Variants in FSTL5 observed in about 807,000 individuals in gnomAD.
FSTL5 encodes follistatin like 5.
In FSTL5, 62 loss-of-function variants were observed where a neutral mutation model predicts 89.1. The observed-to-expected ratio is 0.70, with a 90% confidence interval of 0.57 to 0.86. FSTL5 has a LOEUF of 0.86. Among genes scored for constraint, FSTL5 ranks in the 40% least tolerant of loss-of-function variants. The pLI is 0.00. For missense variants in FSTL5, 1,057 were observed against 1,001.6 expected, an observed-to-expected ratio of 1.06 and a Z score of -0.75; for synonymous variants, 383 against 346.2, an observed-to-expected ratio of 1.11 and a Z score of -1.18.
chr4:162,044,935 T>G (rs968533724), intron 2 of FSTL5, among the ~76,000 whole-genome samples: 5 of 152,198 alleles, frequency 3.3e-5, no homozygotes, highest in Non-Finnish European at 7.3e-5. Flanking sequence ...GGGGAGGTTG[T>G]GCTTGTTTTG....
At chr4:162,073,768 A>G (rs1729722954) in intron 2 of FSTL5, among the ~76,000 whole-genome samples, 1 of 151,792 alleles carries the variant, frequency 6.6e-6, no homozygotes. Context: ...GAAATTGAAT[A>G]TTCTTACAGT....
At chr4:161,976,511 T>G (rs1735650164) in intron 3 of FSTL5, among the ~76,000 whole-genome samples, 1 of 152,132 alleles carries the variant, frequency 6.6e-6, no homozygotes, top group African/African-American at 2.4e-5. Flanking sequence ...AGTCGGAGTC[T>G]TGCTCTGTCG....
intron 4 of FSTL5, among the ~76,000 whole-genome samples, chr4:161,808,636 ACC>A (rs1484873682): frequency 1.4e-5 from 2 of 146,022 alleles, no homozygotes; most frequent in African/African-American, 5.0e-5. Flanking sequence ...CAAAAAAAAA[ACC>A]CAGATAAAAT....
At chr4:161,458,785 C>T (rs1015503555) in intron 14 of FSTL5, among the ~76,000 whole-genome samples, 2 of 152,164 alleles carry the variant, frequency 1.3e-5, no homozygotes, top group African/African-American at 4.8e-5. Context: ...ATAAGAATAA[C>T]ACCACTATTC....
rs141440588 is a variant in FSTL5 at position 161,451,300 on chromosome 4, G to A, written c.1841+3704C>T. ...TTACTAACTTCAAGTCTGAGAATGT[G>A]TCTTAAATGGTATTCTTAAATTCTT... On this transcript the variant is annotated intron_variant, in intron 15 of 15. Coordinates refer to ENST00000306100, the MANE Select transcript of FSTL5 (RefSeq NM_020116.5). Among the ~76,000 whole-genome samples the A allele has an allele frequency of 7.9e-5, 12 of 152,140 alleles. No individual in the cohort carries two copies. The East Asian group carries it at 2.3e-3, about 29-fold the overall frequency.
chr4:161,712,735 T>C (rs1473845734), intron 6 of FSTL5, among the ~76,000 whole-genome samples: 1 of 151,936 alleles, frequency 6.6e-6, no homozygotes, highest in East Asian at 1.9e-4. Flanking sequence ...ACTCCATGAG[T>C]TCACTGGAGA....
At chr4:161,779,765 ATATATATATG>A (rs1305317591) in intron 4 of FSTL5, among the ~76,000 whole-genome samples, 2,926 of 20,624 alleles carry the variant, frequency 0.14, 261 homozygotes, top group Middle Eastern at 0.17. Flanking sequence ...AAAGTTATAT[ATATATATATG>A]TATATATATA....
intron 6 of FSTL5, among the ~76,000 whole-genome samples, chr4:161,667,027 C>G (rs765768340): frequency 1.3e-5 from 2 of 151,892 alleles, no homozygotes; most frequent in Non-Finnish European, 2.9e-5. Flanking sequence ...TTTTTGTATA[C>G]TAAAGACAGT....
rs146870273 is a variant in FSTL5 at position 161,538,122 on chromosome 4, G to T, written c.1312+44C>A. ...TTTAAAAAAAGCTGTAAAAAAGTAC[G>T]TTGAATATGGTGTGTGTGTGCTGTT... On this transcript the variant is annotated intron_variant, in intron 10 of 15. Coordinates refer to ENST00000306100, the MANE Select transcript of FSTL5 (RefSeq NM_020116.5). 31 of 1,589,422 alleles carry T rather than the reference G, an allele frequency of 2.0e-5. 1 individual carries two copies. The African/African-American group carries it at 4.0e-4, about 21-fold the overall frequency.
intron 4 of FSTL5, among the ~76,000 whole-genome samples, chr4:161,788,291 T>G (rs1741983372): frequency 6.6e-6 from 1 of 152,194 alleles, no homozygotes; most frequent in Non-Finnish European, 1.5e-5. Flanking sequence ...CTTGCTATTT[T>G]GAAGTATACT....
intron 6 of FSTL5, among the ~76,000 whole-genome samples, chr4:161,687,574 A>G (rs1000958519): frequency 6.6e-6 from 1 of 152,206 alleles, no homozygotes; most frequent in Middle Eastern, 3.4e-3. Flanking sequence ...TTCACTTTAA[A>G]TTTTTCATTT....
chr4:162,125,570 G>A lies in FSTL5; in HGVS notation c.-16-14158C>T, dbSNP rs527624981. Among the ~76,000 whole-genome samples the A allele has an allele frequency of 2.6e-5, 4 of 152,124 alleles. No homozygotes were observed. The South Asian group carries it at 8.3e-4, about 32-fold the overall frequency. ...TATCTATTCCTATGCAGATACCACA[G>A]CTTTTAACTACTAGAGTTTGATAAT... is the stretch of plus-strand genomic sequence containing the variant. On this transcript the variant is annotated intron_variant, in intron 1 of 15. Coordinates refer to ENST00000306100, the MANE Select transcript of FSTL5 (RefSeq NM_020116.5).
chr4:161,604,809 G>C lies in FSTL5; in HGVS notation c.895-17234C>G, dbSNP rs115583075. On this transcript the variant is annotated intron_variant, in intron 7 of 15. Transcript: ENST00000306100. ...AGGGACTGCCTAGGTTTCATGTTCT[G>C]CTAGAGCCTGAGCATTGAGGAAGTT... Among the ~76,000 whole-genome samples, 1,019 of 152,278 alleles carry C rather than the reference G, an allele frequency of 6.7e-3. 7 individuals carry two copies. The highest frequency in any genetic ancestry group is 0.012 in the Non-Finnish European group (786 of 68,018).
At chr4:161,519,691 T>C (rs568592765) in intron 10 of FSTL5, among the ~76,000 whole-genome samples, 63 of 152,328 alleles carry the variant, frequency 4.1e-4, no homozygotes, top group Admixed American at 3.8e-3. Context: ...TGACAATTCT[T>C]CACACAAATG....
At chr4:161,409,083 G>C (rs1731497559) in intron 15 of FSTL5, among the ~76,000 whole-genome samples, 1 of 152,054 alleles carries the variant, frequency 6.6e-6, no homozygotes, top group South Asian at 2.1e-4. Flanking sequence ...TACTATACAA[G>C]ATGACTATTT....
chr4:161,522,891 A>G (rs1358745340), intron 10 of FSTL5, among the ~76,000 whole-genome samples: 3 of 151,876 alleles, frequency 2.0e-5, no homozygotes, highest in African/African-American at 7.2e-5. Flanking sequence ...AAATAGTCCT[A>G]TATCTAGAAT....
At chr4:161,945,578 C>T (rs1030598859) in intron 3 of FSTL5, among the ~76,000 whole-genome samples, 13 of 152,060 alleles carry the variant, frequency 8.5e-5, no homozygotes, top group Non-Finnish European at 1.5e-5. Context: ...ATGGTAAAAC[C>T]CCATCTCTAC....
intron 1 of FSTL5, among the ~76,000 whole-genome samples, chr4:162,152,767 A>C (rs1733278703): frequency 6.6e-6 from 1 of 152,012 alleles, no homozygotes; most frequent in Admixed American, 6.6e-5. Flanking sequence ...GAACAAACAA[A>C]CTGCACAATG....
At chr4:162,063,211 T>C (rs903919497) in intron 2 of FSTL5, among the ~76,000 whole-genome samples, 3 of 151,862 alleles carry the variant, frequency 2.0e-5, no homozygotes, top group African/African-American at 7.2e-5. Flanking sequence ...CTCTTCCCCT[T>C]TTTTCTCATC....
Sources: allele counts gnomAD v4.1 joint callset (sites outside exome capture counted in the v4.1 genomes callset), GRCh38; gene constraint gnomAD v4.1.1; transcripts MANE v1.5; gene names NCBI Gene and HGNC (gene_info 2026-07-23, HGNC 2026-07-21).